Variants in TENM4 observed in about 807,000 individuals in gnomAD.
The protein encoded by TENM4 is teneurin transmembrane protein 4.
TENM4 carries 82 observed loss-of-function variants against 243.3 expected under a neutral mutation model. That is an observed-to-expected ratio of 0.34 (90% confidence interval 0.28 to 0.40). TENM4 has a LOEUF of 0.40. Ranked by LOEUF, TENM4 falls within the 10% of genes least tolerant of loss-of-function variation. TENM4 has a pLI of 1.00. For missense variants in TENM4, 3,138 were observed against 3,673.3 expected, an observed-to-expected ratio of 0.85 and a Z score of 3.77; for synonymous variants, 1,412 against 1,456.3, an observed-to-expected ratio of 0.97 and a Z score of 0.69.
chr11:78,703,225 T>C (rs1565339952), intron 27 of TENM4, among the ~76,000 whole-genome samples: 1 of 152,192 alleles, frequency 6.6e-6, no homozygotes, highest in Non-Finnish European at 1.5e-5. Flanking sequence ...ACTGGATCCT[T>C]GCTCCTTATG....
At chr11:78,961,128 T>A (rs1344450628) in intron 6 of TENM4, among the ~76,000 whole-genome samples, 1 of 152,238 alleles carries the variant, frequency 6.6e-6, no homozygotes, top group Admixed American at 6.5e-5. Flanking sequence ...TCTGCCTCCT[T>A]TTTCAGAATC....
At chr11:79,012,039 A>T (rs559463620) in intron 6 of TENM4, among the ~76,000 whole-genome samples, 6 of 152,282 alleles carry the variant, frequency 3.9e-5, no homozygotes, top group African/African-American at 1.4e-4. Context: ...AACCCTTGGG[A>T]CAAACTGCAA....
chr11:79,415,428 T>C (rs1858792266), intron 1 of TENM4, among the ~76,000 whole-genome samples: 1 of 152,242 alleles, frequency 6.6e-6, no homozygotes, highest in Admixed American at 6.5e-5. Context: ...GCTATCATTA[T>C]AGACAAGCAT....
intron 6 of TENM4, among the ~76,000 whole-genome samples, chr11:78,960,484 C>T (rs1857296096): frequency 6.6e-6 from 1 of 152,170 alleles, no homozygotes; most frequent in Non-Finnish European, 1.5e-5. Flanking sequence ...ACTTTCACCA[C>T]ATGGCCTTCC....
chr11:78,744,696 G>C (rs1442856654), intron 19 of TENM4, among the ~76,000 whole-genome samples: 1 of 152,228 alleles, frequency 6.6e-6, no homozygotes, highest in African/African-American at 2.4e-5. Context: ...TTTTGAGCAG[G>C]CTCCTTCAAT....
intron 32 of TENM4, among the ~76,000 whole-genome samples, chr11:78,666,860 G>A (rs1443460092): frequency 6.6e-6 from 1 of 152,220 alleles, no homozygotes; most frequent in Non-Finnish European, 1.5e-5. Flanking sequence ...AGTTAGTCAT[G>A]TTAGTGCTAT....
intron 4 of TENM4, among the ~76,000 whole-genome samples, chr11:79,140,370 T>G (rs1225752124): frequency 6.6e-6 from 1 of 152,120 alleles, no homozygotes; most frequent in East Asian, 1.9e-4. Context: ...TCTGGACTGG[T>G]CAGTCCTAAG....
In TENM4 at chr11:78,686,553, TG is replaced by T. The variant is rs529478491; in HGVS notation, c.5260+1500del. On this transcript the variant is annotated intron_variant, in intron 29 of 33. Coordinates refer to ENST00000278550, the MANE Select transcript of TENM4 (RefSeq NM_001098816.3). Reference sequence around the variant, plus strand: ...TGAAGTATGATAGATGGGGTGGGGTTGGGGGGGCAGTTTTGGGGACTGAGCC... The same window carrying T: ...TGAAGTATGATAGATGGGGTGGGGTTGGGGGGCAGTTTTGGGGACTGAGCC... Among the ~76,000 whole-genome samples, 1,084 of 116,308 alleles carry T rather than the reference TG, an allele frequency of 9.3e-3. 9 individuals are homozygous for T. The highest frequency in any genetic ancestry group is 0.012 in the Non-Finnish European group (680 of 56,548). The allele number at this position is 116,308 out of a possible 152,430, so 76.3% of individuals were successfully genotyped here. A position where few individuals can be genotyped will look rare whatever the true frequency, so the allele number is the denominator to read the frequency against.
At chr11:78,906,239 T>C (rs1238989893) in intron 6 of TENM4, among the ~76,000 whole-genome samples, 1 of 152,254 alleles carries the variant, frequency 6.6e-6, no homozygotes, top group Non-Finnish European at 1.5e-5. Flanking sequence ...AGTATTTGTA[T>C]TCCCATTTTA....
At position 78,951,215 on chromosome 11, in the gene TENM4, C is replaced by G. The variant is rs114883293; in HGVS notation, c.494-47692G>C. On this transcript the variant is annotated intron_variant, in intron 6 of 33. Transcript: ENST00000278550. ...GTCTGCGCAGAGGACTGCAGTGCTT[C>G]CTTCATGTGTGCCCAATGCACATGG... 2.8e-3 allele frequency among the ~76,000 whole-genome samples: 422 copies of G among 152,364 alleles called. 3 individuals carry two copies. The highest frequency in any genetic ancestry group is 8.7e-3 in the African/African-American group (362 of 41,596).
At chr11:79,343,062 C>T (rs111843473) in intron 1 of TENM4, among the ~76,000 whole-genome samples, 9 of 152,364 alleles carry the variant, frequency 5.9e-5, no homozygotes, top group African/African-American at 2.2e-4. Flanking sequence ...GGCACTGGCA[C>T]ACGCAGCTCA....
intron 18 of TENM4, among the ~76,000 whole-genome samples, chr11:78,759,364 T>C (rs1856383517): frequency 6.6e-6 from 1 of 152,260 alleles, no homozygotes; most frequent in Admixed American, 6.5e-5. Flanking sequence ...ATTCAGCTGT[T>C]GCATCCATAA....
chr11:79,023,081 C>CATA (rs1159256144), intron 6 of TENM4, among the ~76,000 whole-genome samples: 3 of 152,152 alleles, frequency 2.0e-5, no homozygotes, highest in Non-Finnish European at 4.4e-5. Context: ...TAACCACTAA[C>CATA]ATAACCACTT....
intron 18 of TENM4, among the ~76,000 whole-genome samples, chr11:78,763,530 C>A (rs1210330590): frequency 6.6e-6 from 1 of 152,200 alleles, no homozygotes; most frequent in African/African-American, 2.4e-5. Context: ...ACGTTTTCAT[C>A]TATGTGCTCT....
intron 6 of TENM4, among the ~76,000 whole-genome samples, chr11:78,975,228 C>T (rs983879164): frequency 3.3e-5 from 5 of 151,926 alleles, no homozygotes; most frequent in Admixed American, 2.6e-4. Context: ...CTCCATGTGT[C>T]AGCTGCAGCT....
At chr11:79,372,674 C>T (rs975109028) in intron 1 of TENM4, among the ~76,000 whole-genome samples, 3 of 152,164 alleles carry the variant, frequency 2.0e-5, no homozygotes, top group African/African-American at 7.2e-5. Flanking sequence ...GCATCACTTT[C>T]CTCTTCTGTG....
chr11:79,299,499 G>C (rs1471720983), intron 1 of TENM4, among the ~76,000 whole-genome samples: 1 of 152,136 alleles, frequency 6.6e-6, no homozygotes, highest in Non-Finnish European at 1.5e-5. Flanking sequence ...ATCCTCTTTT[G>C]TTACATTGTC....
intron 6 of TENM4, among the ~76,000 whole-genome samples, chr11:78,917,311 G>A (rs1050492069): frequency 2.0e-5 from 3 of 152,116 alleles, no homozygotes; most frequent in African/African-American, 2.4e-5. Context: ...ACCGAAGAGC[G>A]GCCATCCAAA....
intron 3 of TENM4, among the ~76,000 whole-genome samples, chr11:79,162,190 G>A (rs1007656811): frequency 1.3e-5 from 2 of 152,200 alleles, no homozygotes; most frequent in African/African-American, 4.8e-5. Context: ...AATTGGTGGA[G>A]GGCAGTGGTC....
Sources: allele counts gnomAD v4.1 joint callset (sites outside exome capture counted in the v4.1 genomes callset), GRCh38; gene constraint gnomAD v4.1.1; transcripts MANE v1.5; gene names NCBI Gene and HGNC (gene_info 2026-07-23, HGNC 2026-07-21).